VCAN: variants seen among roughly 807,000 people sequenced by gnomAD.
VCAN encodes versican, also known as versican core protein.
A neutral mutation model predicts 245.5 loss-of-function variants in VCAN; 44 were observed. The observed-to-expected ratio is 0.18, with a 90% confidence interval of 0.14 to 0.23. The LOEUF (loss-of-function observed/expected upper bound fraction) is 0.23, where lower values mean the gene tolerates loss of function less well. Among genes scored for constraint, VCAN ranks in the 10% least tolerant of loss-of-function variants. The pLI, the probability that VCAN is intolerant of heterozygous loss-of-function variation, is 1.00. For synonymous variants in VCAN, 1,413 were observed against 1,437.0 expected, an observed-to-expected ratio of 0.98 and a Z score of 0.38; for missense variants, 3,793 against 4,057.9, an observed-to-expected ratio of 0.93 and a Z score of 1.77.
intron 6 of VCAN, among the ~76,000 whole-genome samples, chr5:83,515,973 C>T (rs1237895895): frequency 1.3e-5 from 2 of 152,226 alleles, no homozygotes; most frequent in Non-Finnish European, 1.5e-5. Flanking sequence ...TCGCTCACGC[C>T]TGTAATCCCA....
chr5:83,507,518 G>C (rs1745518244), intron 5 of VCAN, among the ~76,000 whole-genome samples: 1 of 152,142 alleles, frequency 6.6e-6, no homozygotes, highest in African/African-American at 2.4e-5. Context: ...TACACAGTTG[G>C]GCCAATTAAA....
At chr5:83,574,994 T>C (rs1748421058) in intron 13 of VCAN, among the ~76,000 whole-genome samples, 1 of 152,206 alleles carries the variant, frequency 6.6e-6, no homozygotes, top group African/African-American at 2.4e-5. Flanking sequence ...CAATTAATAA[T>C]GGTGTTATCA....
chr5:83,476,325 AT>A (rs1241185110), intron 1 of VCAN, among the ~76,000 whole-genome samples: 1 of 152,232 alleles, frequency 6.6e-6, no homozygotes, highest in Non-Finnish European at 1.5e-5. Context: ...TGTATTTAAA[AT>A]GGGATATTGC....
At chr5:83,489,315 A>G (rs1744890755) in intron 2 of VCAN, among the ~76,000 whole-genome samples, 1 of 152,236 alleles carries the variant, frequency 6.6e-6, no homozygotes, top group Admixed American at 6.5e-5. Flanking sequence ...CTAAGAGTGA[A>G]AAAACATTTA....
intron 7 of VCAN, among the ~76,000 whole-genome samples, chr5:83,524,406 C>T (rs1746212721): frequency 6.6e-6 from 1 of 152,024 alleles, no homozygotes; most frequent in Non-Finnish European, 1.5e-5. Context: ...GAAAACCGTG[C>T]AATACTTGGT....
chr5:83,564,259 TTTG>T (rs1326892659), intron 12 of VCAN, among the ~76,000 whole-genome samples: 1 of 152,142 alleles, frequency 6.6e-6, no homozygotes, highest in Non-Finnish European at 1.5e-5. Context: ...CAAGTTCTCT[TTTG>T]TTAAGTGGTG....
chr5:83,560,992 C>T (rs752909357), intron 12 of VCAN, among the ~76,000 whole-genome samples: 2 of 152,114 alleles, frequency 1.3e-5, no homozygotes, highest in Non-Finnish European at 1.5e-5. Flanking sequence ...ATTGCCATTC[C>T]ATTTTTAAAA....
intron 5 of VCAN, among the ~76,000 whole-genome samples, chr5:83,509,168 TG>T (rs1211379753): frequency 6.6e-6 from 1 of 152,196 alleles, no homozygotes; most frequent in Non-Finnish European, 1.5e-5. Flanking sequence ...AGTAGTAAAA[TG>T]ATCATTCTAT....
intron 3 of VCAN, 134 bp downstream of exon 3, chr5:83,490,606 A>G (rs1246253157): frequency 1.5e-6 from 2 of 1,334,430 alleles, no homozygotes; most frequent in African/African-American, 1.5e-5. Context: ...CCAGTAGTCC[A>G]CGTCTTTCAC....
In VCAN at chr5:83,538,451, G is replaced by A; in HGVS notation, c.5448G>A (p.Gly1816=). Residue 1816 remains glycine, a synonymous_variant, in exon 8 of 15, where the codon GGG becomes GGA. Transcript: ENST00000265077. The part of the protein sequence containing the change: ...TTEHSSIHQP[G]VQEGLTTLPR... Reference sequence around the variant, plus strand: ...AGCACAGCAGTATCCATCAACCTGGGGTTCAGGAAGGGCTGACCACTCTCC... The same window carrying A: ...AGCACAGCAGTATCCATCAACCTGGAGTTCAGGAAGGGCTGACCACTCTCC... 1 of 1,613,938 alleles carries A rather than the reference G, an allele frequency of 6.2e-7. No individual in the cohort carries two copies. Among genetic ancestry groups the A allele is most frequent in the East Asian group, 2.2e-5 (1 of 44,868 alleles).
rs780406400 is a variant in VCAN at position 83,541,842 on chromosome 5, A to G, written c.8839A>G (p.Met2947Val). 1 of 1,614,116 alleles carries G rather than the reference A, an allele frequency of 6.2e-7. No individual in the cohort carries two copies. Among genetic ancestry groups the G allele is most frequent in the Admixed American group, 1.7e-5 (1 of 60,016 alleles). The change falls in exon 8 of 15, where the codon ATG becomes GTG. Residue 2947 changes from methionine (M) to valine (V), a missense_variant. Physicochemically the swap from Met to Val is conservative, Grantham distance 21. Around this residue, in one of 5 missense-constraint regions of VCAN, gnomAD observed 3,182 missense variants for 3,250.3 expected, o/e 0.98. Transcript: ENST00000265077. Reference sequence around the variant, plus strand: ...TCAAGTTTCTGGAGAAGCAATCAAGATGTTTCCCACCATTAAAACACCTGA... The same window carrying G: ...TCAAGTTTCTGGAGAAGCAATCAAGGTGTTTCCCACCATTAAAACACCTGA... ...DGQVSGEAIK[M>V]FPTIKTPEAG...
At position 83,541,549 on chromosome 5, in the gene VCAN, T is replaced by A; in HGVS notation, c.8546T>A (p.Leu2849Gln). 1 of 1,613,992 alleles carries A rather than the reference T, an allele frequency of 6.2e-7. No homozygotes were observed. The highest frequency in any genetic ancestry group is 1.3e-5 in the African/African-American group (1 of 75,050). Residue 2849 changes from leucine to glutamine, a missense_variant, in exon 8 of 15, where the codon CTG becomes CAG. By Grantham distance (113) the Leu-to-Gln change is moderately radical. Around this residue, in one of 5 missense-constraint regions of VCAN, gnomAD observed 3,182 missense variants for 3,250.3 expected, o/e 0.98. Coordinates refer to ENST00000265077, the MANE Select transcript of VCAN (RefSeq NM_004385.5). Reference protein sequence around the residue: ...GHTEIPQPSALPGIDVGSSVM... With the variant: ...GHTEIPQPSAQPGIDVGSSVM... ...ACAGAGATCCCCCAGCCCAGTGCTC[T>A]GCCAGGAATAGACGTCGGCTCATCT...
At chr5:83,536,789 GTTTTAATAAT>G (rs1746727929) in intron 7 of VCAN, 3 of 454,540 alleles carry the variant, frequency 6.6e-6, no homozygotes, top group Non-Finnish European at 1.2e-5. Context: ...TTTATAACCT[GTTTTAATAAT>G]GTTAAATTGA....
At chr5:83,527,466 A>G (rs1312778811) in intron 7 of VCAN, among the ~76,000 whole-genome samples, 15 of 152,244 alleles carry the variant, frequency 9.9e-5, no homozygotes, top group Admixed American at 9.8e-4. Flanking sequence ...AGTCTAGAAA[A>G]GAATTGAGTT....
chr5:83,506,889 C>A (rs1348720383), intron 5 of VCAN, among the ~76,000 whole-genome samples: 1 of 152,134 alleles, frequency 6.6e-6, no homozygotes, highest in Non-Finnish European at 1.5e-5. Context: ...AAGCAGAAAG[C>A]CCCTGATAAA....
intron 2 of VCAN, among the ~76,000 whole-genome samples, chr5:83,487,350 T>C (rs1744827864): frequency 6.6e-6 from 1 of 152,204 alleles, no homozygotes; most frequent in Non-Finnish European, 1.5e-5. Flanking sequence ...GGTTATTCAT[T>C]ATTTAGTGAT....
At chr5:83,508,942 G>C (rs899448978) in intron 5 of VCAN, among the ~76,000 whole-genome samples, 3 of 152,188 alleles carry the variant, frequency 2.0e-5, no homozygotes, top group Non-Finnish European at 4.4e-5. Context: ...CTGGAGGCAA[G>C]GAAGTTGAGG....
Position 83,493,666 on chromosome 5 carries a change from A to G in VCAN, c.566A>G (p.Tyr189Cys). 1 of 1,614,170 alleles carries G rather than the reference A, an allele frequency of 6.2e-7. No homozygotes were observed. The highest frequency in any genetic ancestry group is 8.5e-7 in the Non-Finnish European group (1 of 1,180,014). The change falls in exon 4 of 15, where the codon TAT becomes TGT. Residue 189 changes from tyrosine (Y) to cysteine (C), a missense_variant. By Grantham distance (194) the Tyr-to-Cys change is radical. Transcript: ENST00000265077. ...ACTCCAGAGCAGCTCTTTGCTGCCT[A>G]TGAAGATGGATTTGAGCAGTGTGAC... ...IATPEQLFAA[Y>C]EDGFEQCDAG... is the part of the protein sequence containing the mutation.
chr5:83,568,127 AAG>A (rs1357870596), intron 12 of VCAN, among the ~76,000 whole-genome samples: 24 of 76,054 alleles, frequency 3.2e-4, no homozygotes, highest in South Asian at 2.0e-3. Context: ...ATTGAAGCTA[AAG>A]TTAATTTTTT....
Sources: gnomAD v4.1 joint callset for allele counts (sites outside exome capture counted in the v4.1 genomes callset) on GRCh38, gnomAD v4.1.1 for gene constraint, gnomAD v4.1.1 regional missense constraint, MANE v1.5 for transcripts, NCBI Gene and HGNC (gene_info 2026-07-23, HGNC 2026-07-21) for gene names.